The following BMERB1 variants were observed in gnomAD, a reference collection of about 807,000 sequenced individuals.
BMERB1 encodes bMERB domain-containing protein 1.
BMERB1 carries 12 observed loss-of-function variants against 23.6 expected under a neutral mutation model. That is an observed-to-expected ratio of 0.51 (90% CI 0.33 to 0.82). The LOEUF (loss-of-function observed/expected upper bound fraction) is 0.82, where lower values mean the gene tolerates loss of function less well. Among genes scored for constraint, BMERB1 ranks in the 40% least tolerant of loss-of-function variants. BMERB1 has a pLI of 0.03. For synonymous variants in BMERB1, 122 were observed against 96.6 expected (o/e 1.26, Z -1.54); for missense variants, 247 against 255.4 (o/e 0.97, Z 0.22).
chr16:15,586,662 C>CCTCT lies in BMERB1; in HGVS notation c.503-46_503-43dup, dbSNP rs997597769. 5.2e-5 allele frequency: 74 copies of CCTCT among 1,415,892 alleles called. No individual in the cohort carries two copies. The Admixed American group carries it at 1.5e-3, about 28-fold the overall frequency. The allele number at this position is 1,415,892 out of a possible 1,614,324, so 87.7% of individuals were successfully genotyped here. A position where few individuals can be genotyped will look rare whatever the true frequency, so the allele number is the denominator to read the frequency against. On this transcript the variant is annotated intron_variant, in intron 5 of 5. Transcript: ENST00000300006. ...GATGGTCAGGGCTCTGCTCACCTCA[C>CCTCT]CTCTCTCTCTCTGTTCCTTTCTCCC...
intron 2 of BMERB1, among the ~76,000 whole-genome samples, chr16:15,557,341 T>C (rs987513341): frequency 2.0e-5 from 3 of 152,226 alleles, no homozygotes; most frequent in African/African-American, 7.2e-5. Context: ...CCTGGACTAA[T>C]GTGGCTTATT....
chr16:15,502,574 G>A (rs946444005), intron 1 of BMERB1, among the ~76,000 whole-genome samples: 2 of 152,146 alleles, frequency 1.3e-5, no homozygotes, highest in Admixed American at 6.6e-5. Context: ...CCCGTAATAG[G>A]ATGCTTGGGG....
intron 1 of BMERB1, among the ~76,000 whole-genome samples, chr16:15,467,797 G>A (rs978109724): frequency 2.0e-5 from 3 of 152,128 alleles, no homozygotes; most frequent in Non-Finnish European, 4.4e-5. Context: ...CCACAGCTTG[G>A]TTTTAAACAT....
chr16:15,581,445 T>G, intron 4 of BMERB1, 114 bp downstream of exon 4: 5 of 772,310 alleles, frequency 6.5e-6, no homozygotes, highest in Non-Finnish European at 1.0e-5. Flanking sequence ...AGGCATGGCC[T>G]TGATCCACAG....
chr16:15,524,195 A>G (rs529537844), intron 2 of BMERB1, among the ~76,000 whole-genome samples: 1 of 152,316 alleles, frequency 6.6e-6, no homozygotes, highest in African/African-American at 2.4e-5. Flanking sequence ...AGCATCTTCC[A>G]GGAACAGGTC....
At chr16:15,576,037 A>ATTTTTTTT (rs58602187) in intron 3 of BMERB1, among the ~76,000 whole-genome samples, 1 of 131,972 alleles carries the variant, frequency 7.6e-6, no homozygotes. Flanking sequence ...AGCATTAGTA[A>ATTTTTTTT]TTTTTTTTTT....
intron 1 of BMERB1, among the ~76,000 whole-genome samples, chr16:15,469,084 C>T (rs1397131540): frequency 2.0e-5 from 3 of 151,034 alleles, no homozygotes; most frequent in African/African-American, 7.3e-5. Context: ...TCTTGTGTCT[C>T]AGCTAAGTAG....
At chr16:15,575,872 C>G (rs1255274985) in intron 3 of BMERB1, among the ~76,000 whole-genome samples, 1 of 151,896 alleles carries the variant, frequency 6.6e-6, no homozygotes. Flanking sequence ...ATGTGACACA[C>G]AGAAAAGGAG....
chr16:15,542,485 A>G (rs371754905), intron 2 of BMERB1, among the ~76,000 whole-genome samples: 9 of 152,150 alleles, frequency 5.9e-5, no homozygotes, highest in Non-Finnish European at 1.0e-4. Flanking sequence ...ATGTAGTACA[A>G]TGGGGATTGC....
chr16:15,549,346 C>T (rs2030013390), intron 2 of BMERB1, among the ~76,000 whole-genome samples: 1 of 102,496 alleles, frequency 9.8e-6, no homozygotes, highest in Non-Finnish European at 1.9e-5. Flanking sequence ...AAGATTCTAT[C>T]TCAAAAAAAA....
intron 2 of BMERB1, among the ~76,000 whole-genome samples, chr16:15,524,613 C>A (rs2051888300): frequency 6.6e-6 from 1 of 151,946 alleles, no homozygotes; most frequent in Non-Finnish European, 1.5e-5. Context: ...ACTAAAAATA[C>A]AAAAAAATTA....
chr16:15,543,013 T>TG (rs1335436656), intron 2 of BMERB1, among the ~76,000 whole-genome samples: 6 of 152,226 alleles, frequency 3.9e-5, no homozygotes, highest in African/African-American at 1.4e-4. Context: ...CCTGCCCTCT[T>TG]GGTACCTGGG....
intron 2 of BMERB1, among the ~76,000 whole-genome samples, chr16:15,551,548 T>G (rs1200150996): frequency 6.6e-6 from 1 of 152,120 alleles, no homozygotes; most frequent in Non-Finnish European, 1.5e-5. Flanking sequence ...GCACTTAGTT[T>G]GAGACAAAGA....
chr16:15,523,025 A>G (rs1275721107), intron 2 of BMERB1, among the ~76,000 whole-genome samples: 1 of 152,144 alleles, frequency 6.6e-6, no homozygotes, highest in Non-Finnish European at 1.5e-5. Context: ...GAATGAGAGC[A>G]AGGTTTTATT....
intron 1 of BMERB1, chr16:15,502,225 C>T (rs2051537484): frequency 1.2e-5 from 17 of 1,456,252 alleles, no homozygotes; most frequent in East Asian, 2.5e-5. Context: ...AACAGAAACT[C>T]GCAGAAGTTA....
intron 2 of BMERB1, among the ~76,000 whole-genome samples, chr16:15,530,139 G>A (rs774111555): frequency 3.9e-5 from 6 of 152,146 alleles, no homozygotes; most frequent in African/African-American, 1.2e-4. Context: ...TCATCCTGTC[G>A]CCTTTGCTCT....
chr16:15,465,641 C>T (rs1041554338), intron 1 of BMERB1, among the ~76,000 whole-genome samples: 1 of 152,156 alleles, frequency 6.6e-6, no homozygotes, highest in East Asian at 1.9e-4. Flanking sequence ...CTGTGACCCA[C>T]CGCACCCAGC....
At chr16:15,527,699 G>T (rs1273924967) in intron 2 of BMERB1, among the ~76,000 whole-genome samples, 1 of 152,148 alleles carries the variant, frequency 6.6e-6, no homozygotes, top group Non-Finnish European at 1.5e-5. Context: ...AAGACAGGCA[G>T]GGGAAGGTAC....
intron 1 of BMERB1, among the ~76,000 whole-genome samples, chr16:15,513,969 A>G (rs1300390311): frequency 1.3e-5 from 2 of 152,190 alleles, no homozygotes; most frequent in South Asian, 2.1e-4. Flanking sequence ...TCATATATGT[A>G]TATACACACA....
Sources: gnomAD v4.1 joint callset for allele counts (sites outside exome capture counted in the v4.1 genomes callset) on GRCh38, gnomAD v4.1.1 for gene constraint, MANE v1.5 for transcripts, NCBI Gene and HGNC (gene_info 2026-07-23, HGNC 2026-07-21) for gene names.